HERC3: variants seen among roughly 807,000 people sequenced by gnomAD.
The protein encoded by HERC3 is probable E3 ubiquitin-protein ligase HERC3.
Under a neutral mutation model 129.9 loss-of-function variants are expected in HERC3, and 58 were observed. The ratio of observed to expected loss-of-function variants is 0.45; its 90% CI spans 0.36 to 0.56. HERC3 has a LOEUF of 0.56. Among genes scored for constraint, HERC3 ranks in the 20% least tolerant of loss-of-function variants. The pLI, the probability that HERC3 is intolerant of heterozygous loss-of-function variation, is 0.00. For missense variants in HERC3, 835 were observed against 1,244.2 expected, an observed-to-expected ratio of 0.67 and a Z score of 4.95; for synonymous variants, 430 against 451.0, an observed-to-expected ratio of 0.95 and a Z score of 0.59.
intron 2 of HERC3, among the ~76,000 whole-genome samples, chr4:88,604,016 A>AAATT: frequency 6.6e-6 from 1 of 152,126 alleles, no homozygotes; most frequent in African/African-American, 2.4e-5. Flanking sequence ...ACATACCATA[A>AAATT]AATTTACTTT....
Position 88,704,292 on chromosome 4 carries a change from A to AAG in HERC3, c.2841+13_2841+14dup. 1 of 1,613,540 alleles carries AAG rather than the reference A, an allele frequency of 6.2e-7. No individual in the cohort carries two copies. Among genetic ancestry groups the AAG allele is most frequent in the Non-Finnish European group, 8.5e-7 (1 of 1,179,580 alleles). ...GAAGAACTGGAAGAGGTAAGCACAA[A>AAG]AGATCCTTTAACTCCTTTAACTCCG... On this transcript the variant is annotated intron_variant, in intron 24 of 25. Coordinates refer to ENST00000402738, the MANE Select transcript of HERC3 (RefSeq NM_014606.3).
intron 9 of HERC3, among the ~76,000 whole-genome samples, chr4:88,657,767 A>T (rs1730067983): frequency 6.6e-6 from 1 of 152,006 alleles, no homozygotes; most frequent in Non-Finnish European, 1.5e-5. Flanking sequence ...TCGAAGGATG[A>T]TTTGGAGTTA....
intron 3 of HERC3, among the ~76,000 whole-genome samples, chr4:88,606,946 C>A (rs1335715534): frequency 6.6e-6 from 1 of 152,164 alleles, no homozygotes; most frequent in East Asian, 1.9e-4. Flanking sequence ...TTCCTGATTA[C>A]CTATATTCAT....
intron 21 of HERC3, chr4:88,684,783 A>G (rs1415748917): frequency 6.6e-6 from 1 of 152,336 alleles, no homozygotes; most frequent in African/African-American, 2.4e-5. Context: ...CAAGAAAAAA[A>G]CAACCCCATC....
At chr4:88,687,068 C>T in intron 22 of HERC3, 149 bp from the exon 23 acceptor site, 1 of 657,840 alleles carries the variant, frequency 1.5e-6, no homozygotes. Flanking sequence ...CTAATGTTTT[C>T]TGACTCAAGT....
At chr4:88,533,428 C>T in the HERC3 span, among the ~76,000 whole-genome samples, 1 of 152,154 alleles carries the variant, frequency 6.6e-6, no homozygotes, top group Non-Finnish European at 1.5e-5. Flanking sequence ...TTAACCATCA[C>T]ACCATGGAAA....
intron 4 of HERC3, among the ~76,000 whole-genome samples, chr4:88,650,818 G>T (rs1729190739): frequency 6.6e-6 from 1 of 152,190 alleles, no homozygotes; most frequent in Admixed American, 6.5e-5. Context: ...TGCTAGGAGT[G>T]CCTATCACAT....
intron 23 of HERC3, chr4:88,697,240 G>A (rs762174253): frequency 6.5e-7 from 1 of 1,535,418 alleles, no homozygotes; most frequent in East Asian, 2.3e-5. Context: ...CTCGGCGTGG[G>A]CATCGTCATG....
chr4:88,657,479 A>G (rs1281118689), intron 9 of HERC3: 2 of 152,212 alleles, frequency 1.3e-5, no homozygotes, highest in Non-Finnish European at 2.9e-5. Context: ...TCTTTTCTCC[A>G]AGACATTGTA....
chr4:88,603,829 C>G (rs1456328159), intron 2 of HERC3, among the ~76,000 whole-genome samples: 1 of 152,098 alleles, frequency 6.6e-6, no homozygotes, highest in Non-Finnish European at 1.5e-5. Context: ...GGGTTGTTCC[C>G]TCCTCCTTTC....
chr4:88,584,174 CTCT>C, the HERC3 span, among the ~76,000 whole-genome samples: 1 of 152,290 alleles, frequency 6.6e-6, no homozygotes, highest in South Asian at 2.1e-4. Flanking sequence ...TTCTGTGCCT[CTCT>C]TCTTACTTCT....
chr4:88,675,045 G>A (rs1243836778), intron 16 of HERC3, among the ~76,000 whole-genome samples: 6 of 152,152 alleles, frequency 3.9e-5, no homozygotes, highest in Non-Finnish European at 8.8e-5. Context: ...AACTCTAACA[G>A]CAATAAAATG....
At chr4:88,670,045 G>T in intron 15 of HERC3, 22 bp downstream of exon 15, 3 of 1,610,656 alleles carry the variant, frequency 1.9e-6, no homozygotes, top group Non-Finnish European at 2.5e-6. Flanking sequence ...AGGTGCTAGT[G>T]GGGAGGGGGT....
upstream of HERC3, chr4:88,592,444 C>G (rs979554721): frequency 1.3e-5 from 2 of 152,328 alleles, no homozygotes; most frequent in African/African-American, 4.8e-5. Flanking sequence ...ATTCACCCAG[C>G]GCATTCCGCC....
upstream of HERC3, among the ~76,000 whole-genome samples, chr4:88,589,324 G>A (rs1236460531): frequency 6.6e-6 from 1 of 152,186 alleles, no homozygotes; most frequent in Non-Finnish European, 1.5e-5. Flanking sequence ...CTCAAGCGAT[G>A]CTCTTGCCTC....
chr4:88,531,255 G>C, the HERC3 span, among the ~76,000 whole-genome samples: 1 of 151,756 alleles, frequency 6.6e-6, no homozygotes, highest in African/African-American at 2.4e-5. Context: ...ATGTTGCCCA[G>C]GTTAGTTGAA....
chr4:88,610,410 G>A (rs376793883), intron 3 of HERC3, among the ~76,000 whole-genome samples: 2 of 141,204 alleles, frequency 1.4e-5, no homozygotes, highest in Non-Finnish European at 3.0e-5. Context: ...CCGAGATCAC[G>A]CCACTGGCAC....
chr4:88,588,350 A>G, upstream of HERC3, among the ~76,000 whole-genome samples: 1 of 152,240 alleles, frequency 6.6e-6, no homozygotes, highest in Non-Finnish European at 1.5e-5. Context: ...ATATTAATAA[A>G]TCAATGCTGT....
the HERC3 span, among the ~76,000 whole-genome samples, chr4:88,583,068 A>T: frequency 2.0e-5 from 3 of 152,164 alleles, no homozygotes; most frequent in East Asian, 5.8e-4. Context: ...TTCCAGAGGG[A>T]AAGTTTAAAA....
Sources: gnomAD v4.1 joint callset for allele counts (sites outside exome capture counted in the v4.1 genomes callset) on GRCh38, gnomAD v4.1.1 for gene constraint, MANE v1.5 for transcripts, NCBI Gene and HGNC (gene_info 2026-07-23, HGNC 2026-07-21) for gene names.